Variants in UBL3 observed in about 807,000 individuals in gnomAD.
UBL3 encodes the protein ubiquitin like 3.
In UBL3, 6 loss-of-function variants were observed where a neutral mutation model predicts 18.4. The ratio of observed to expected loss-of-function variants is 0.33; its 90% CI spans 0.18 to 0.64. The LOEUF (loss-of-function observed/expected upper bound fraction) is 0.64. Among genes scored for constraint, UBL3 ranks in the 30% least tolerant of loss-of-function variants. The pLI is 0.76. For synonymous variants in UBL3, 49 were observed against 46.6 expected (o/e 1.05, Z -0.21); for missense variants, 109 against 142.9 (o/e 0.76, Z 1.21).
At chr13:29,770,623 C>A (rs550306273) in intron 3 of UBL3, among the ~76,000 whole-genome samples, 2 of 151,902 alleles carry the variant, frequency 1.3e-5, no homozygotes, top group African/African-American at 2.4e-5. Context: ...TCAAGGTTCA[C>A]TCATATAATC....
chr13:29,812,632 T>C (rs1018156757), intron 1 of UBL3, among the ~76,000 whole-genome samples: 1 of 152,024 alleles, frequency 6.6e-6, no homozygotes, highest in African/African-American at 2.4e-5. Flanking sequence ...TTAATTTAAA[T>C]TTAAAAATTG....
intron 1 of UBL3, among the ~76,000 whole-genome samples, chr13:29,800,168 T>C (rs949358198): frequency 1.3e-5 from 2 of 152,266 alleles, no homozygotes; most frequent in Admixed American, 6.5e-5. Flanking sequence ...CTGCGGTCAA[T>C]TCAAATCAAT....
chr13:29,835,168 A>ATATAAATATATATATATATATATT (rs1878926433), intron 1 of UBL3, among the ~76,000 whole-genome samples: 1 of 57,868 alleles, frequency 1.7e-5, no homozygotes, highest in Non-Finnish European at 3.1e-5. Flanking sequence ...ATATATATAT[A>ATATAAATATATATATATATATATT]TATATATATA....
At chr13:29,777,327 C>G (rs1352887928) in intron 1 of UBL3, 64 bp from the exon 2 acceptor site, 5 of 1,312,322 alleles carry the variant, frequency 3.8e-6, no homozygotes, top group South Asian at 1.4e-5. Flanking sequence ...AAAGAAGACT[C>G]AAAGGCTTTT....
intron 1 of UBL3, among the ~76,000 whole-genome samples, chr13:29,809,789 C>G (rs1002132178): frequency 1.3e-5 from 2 of 152,086 alleles, no homozygotes; most frequent in Admixed American, 1.3e-4. Flanking sequence ...TAACAAAAAC[C>G]AAGGACGCTC....
At chr13:29,832,530 A>C (rs1192776252) in intron 1 of UBL3, among the ~76,000 whole-genome samples, 7 of 151,888 alleles carry the variant, frequency 4.6e-5, no homozygotes, top group Admixed American at 4.6e-4. Flanking sequence ...GACGGGGCCT[A>C]ATTTCTATAA....
chr13:29,824,532 C>T (rs1035317806), intron 1 of UBL3, among the ~76,000 whole-genome samples: 1 of 152,188 alleles, frequency 6.6e-6, no homozygotes, highest in Non-Finnish European at 1.5e-5. Flanking sequence ...TGTTCATATC[C>T]TTCGCCCACT....
chr13:29,835,063 G>A (rs1299661941), intron 1 of UBL3, among the ~76,000 whole-genome samples: 2 of 124,312 alleles, frequency 1.6e-5, no homozygotes, highest in East Asian at 4.5e-4. Flanking sequence ...TACTGGTCAT[G>A]GCAGCAAATA....
chr13:29,842,133 TC>T (rs1393184133), intron 1 of UBL3, among the ~76,000 whole-genome samples: 9 of 60,272 alleles, frequency 1.5e-4, no homozygotes, highest in Non-Finnish European at 3.6e-4. Flanking sequence ...CCATTCTCTT[TC>T]TTTTTTTTTT....
intron 1 of UBL3, among the ~76,000 whole-genome samples, chr13:29,830,544 G>C (rs556681192): frequency 1.2e-4 from 18 of 152,228 alleles, no homozygotes; most frequent in Admixed American, 3.9e-4. Flanking sequence ...AATTTAACAA[G>C]AAACAACATC....
chr13:29,825,183 A>G (rs1401958595), intron 1 of UBL3, among the ~76,000 whole-genome samples: 3 of 152,128 alleles, frequency 2.0e-5, no homozygotes, highest in Admixed American at 6.5e-5. Flanking sequence ...TTGTCTTGGC[A>G]ATGTGGGCTC....
intron 2 of UBL3, among the ~76,000 whole-genome samples, chr13:29,775,455 T>G (rs1165399942): frequency 6.6e-6 from 1 of 152,212 alleles, no homozygotes; most frequent in Non-Finnish European, 1.5e-5. Flanking sequence ...CTATGTTCTT[T>G]GTCAAAATAA....
intron 1 of UBL3, among the ~76,000 whole-genome samples, chr13:29,809,805 C>T (rs1054710719): frequency 6.6e-6 from 1 of 152,120 alleles, no homozygotes; most frequent in African/African-American, 2.4e-5. Context: ...CGCTCTGGTT[C>T]CTGATCTAAA....
chr13:29,804,074 C>T (rs1877840708), intron 1 of UBL3, among the ~76,000 whole-genome samples: 2 of 151,410 alleles, frequency 1.3e-5, no homozygotes, highest in Non-Finnish European at 2.9e-5. Flanking sequence ...ATAAGACAAT[C>T]CTCAGCTAAA....
chr13:29,827,657 T>C (rs1029663435), intron 1 of UBL3, among the ~76,000 whole-genome samples: 16 of 152,240 alleles, frequency 1.1e-4, no homozygotes, highest in Non-Finnish European at 2.2e-4. Flanking sequence ...TGTCTTTTAA[T>C]TGGAGCATTT....
intron 1 of UBL3, among the ~76,000 whole-genome samples, chr13:29,796,627 T>C (rs1412231177): frequency 6.6e-6 from 1 of 152,188 alleles, no homozygotes; most frequent in Non-Finnish European, 1.5e-5. Flanking sequence ...GAAGTGACAC[T>C]GCCCAATAAG....
intron 3 of UBL3, among the ~76,000 whole-genome samples, chr13:29,770,676 A>G (rs1490667290): frequency 1.3e-5 from 2 of 152,056 alleles, no homozygotes; most frequent in African/African-American, 2.4e-5. Flanking sequence ...TTTAATTCAC[A>G]TAAGATCTTG....
chr13:29,835,114 AT>A (rs1566000993), intron 1 of UBL3, among the ~76,000 whole-genome samples: 1,282 of 30,462 alleles, frequency 0.042, 247 homozygotes, highest in African/African-American at 0.26. Flanking sequence ...ATAAATATAT[AT>A]ATATATATAA....
chr13:29,802,319 T>A (rs146796997), intron 1 of UBL3, among the ~76,000 whole-genome samples: 24 of 152,316 alleles, frequency 1.6e-4, no homozygotes, highest in African/African-American at 5.5e-4. Context: ...AGAAGTTAAC[T>A]GACTGTACTC....
Sources: gnomAD v4.1 joint callset for allele counts (sites outside exome capture counted in the v4.1 genomes callset) on GRCh38, gnomAD v4.1.1 for gene constraint, MANE v1.5 for transcripts, NCBI Gene and HGNC (gene_info 2026-07-23, HGNC 2026-07-21) for gene names.